CACFD1: variants seen among roughly 807,000 people sequenced by gnomAD.
The protein encoded by CACFD1 is calcium channel flower homolog.
In CACFD1, 26 loss-of-function variants were observed where a neutral mutation model predicts 21.3. The ratio of observed to expected loss-of-function variants is 1.22; its 90% CI spans 0.89 to 1.69. CACFD1 has a LOEUF of 1.69. Ranked by LOEUF, CACFD1 falls within the 40% of genes most tolerant of loss-of-function variation. The pLI is 0.00. For missense variants in CACFD1, 265 were observed against 236.2 expected (o/e 1.12, Z -0.80); for synonymous variants, 121 against 106.6 (o/e 1.13, Z -0.83).
At chr9:133,460,468 G>T (rs1264844224) in intron 1 of CACFD1, among the ~76,000 whole-genome samples, 1 of 121,496 alleles carries the variant, frequency 8.2e-6, no homozygotes, top group African/African-American at 2.9e-5. Flanking sequence ...CAGGGCGGGG[G>T]GGCGGCGGGG....
chr9:133,461,407 G>A (rs1843213690), intron 1 of CACFD1, among the ~76,000 whole-genome samples: 1 of 152,230 alleles, frequency 6.6e-6, no homozygotes, highest in Non-Finnish European at 1.5e-5. Context: ...TGCTCTTCAG[G>A]GCAAGTACGC....
At chr9:133,466,015 G>T (rs1843422581) in intron 3 of CACFD1, among the ~76,000 whole-genome samples, 1 of 152,198 alleles carries the variant, frequency 6.6e-6, no homozygotes, top group Admixed American at 6.5e-5. Context: ...CTAGAATAAT[G>T]CCTCTAGTGC....
At chr9:133,461,856 G>T in intron 1 of CACFD1, 1 of 985,342 alleles carries the variant, frequency 1.0e-6, no homozygotes, top group Non-Finnish European at 1.2e-6. Flanking sequence ...GATGCGGCAG[G>T]AGTTCAGACA....
At chr9:133,463,211 C>G (rs984548727) in intron 1 of CACFD1, among the ~76,000 whole-genome samples, 2 of 152,238 alleles carry the variant, frequency 1.3e-5, no homozygotes, top group Non-Finnish European at 2.9e-5. Context: ...GGGCCAGCTC[C>G]TCTGAGCCCT....
chr9:133,468,584 C>T lies in CACFD1; in HGVS notation c.450C>T (p.Ala150=), dbSNP rs80191289. 2,340 of 1,588,254 alleles carry T rather than the reference C, an allele frequency of 1.5e-3. 29 individuals carry two copies. The African/African-American group carries it at 0.027, about 18-fold the overall frequency. ...LGKKGDAISY[A]RIQQQRQQAD... is the part of the protein sequence containing the mutation. ...CCAGGGGCGATGCGATCTCCTATGC[C>T]AGGATCCAGCAGCAGAGGCAGCAGG... Residue 150 remains alanine, a synonymous_variant, in exon 5 of 5, where the codon GCC becomes GCT. Transcript: ENST00000316948.
At position 133,461,806 on chromosome 9, in the gene CACFD1, G is replaced by A; in HGVS notation, c.121+1619G>A. On this transcript the variant is annotated intron_variant, in intron 1 of 4. Coordinates refer to ENST00000316948, the MANE Select transcript of CACFD1 (RefSeq NM_017586.5). Reference sequence around the variant, plus strand: ...ATGGTTATGTGAACATCAAAATGCTGTATTACAGGGTAGAATGCAAAAATG... The same window carrying A: ...ATGGTTATGTGAACATCAAAATGCTATATTACAGGGTAGAATGCAAAAATG... The A allele has an allele frequency of 3.2e-6, 3 of 923,568 alleles. No homozygotes were observed. In the South Asian group the frequency reaches 1.5e-4, roughly 46 times the overall value. The allele number at this position is 923,568 out of a possible 1,614,324, so 57.2% of individuals were successfully genotyped here. A position where few individuals can be genotyped will look rare whatever the true frequency, so the allele number is the denominator to read the frequency against.
chr9:133,460,874 C>T (rs1554798381), intron 1 of CACFD1, among the ~76,000 whole-genome samples: 2 of 152,316 alleles, frequency 1.3e-5, no homozygotes, highest in Admixed American at 1.3e-4. Flanking sequence ...CCTTCCTCCC[C>T]TTCTCCGCAC....
chr9:133,468,948 T>G lies in CACFD1; in HGVS notation c.*295T>G, dbSNP rs1554800321. 1.4e-5 allele frequency: 6 copies of G among 420,692 alleles called. No individual in the cohort carries two copies. 26.1% of individuals were successfully genotyped at this position (420,692 alleles called of 1,614,324 possible). ...ATCTCACACCACAGACAGGGCTGCC[T>G]GTGACCTGCTGTGACCTGGGAGCAG... On this transcript the variant is annotated 3_prime_UTR_variant, in exon 5 of 5. Transcript: ENST00000316948.
In CACFD1 at chr9:133,465,456, T is replaced by C; in HGVS notation, c.320+9T>C. ...GCTGTCTTCTACTGCGGGTGAGGGGTTGCTGGGCAGGGTCCCGTGACACAG... is the reference window on the plus strand; with the variant it reads ...GCTGTCTTCTACTGCGGGTGAGGGGCTGCTGGGCAGGGTCCCGTGACACAG... On this transcript the variant is annotated intron_variant, in intron 3 of 4. Transcript: ENST00000316948. The surrounding 1 kb of genome is among the most constrained non-coding windows in gnomAD (Gnocchi z 5.0). 1 of 1,603,050 alleles carries C rather than the reference T, an allele frequency of 6.2e-7. No individual in the cohort carries two copies. The highest frequency in any genetic ancestry group is 8.5e-7 in the Non-Finnish European group (1 of 1,173,800).
Position 133,468,571 on chromosome 9 carries a change from C to A in CACFD1, c.437C>A (p.Ala146Glu), listed in dbSNP as rs587596004. 5.1e-6 allele frequency: 8 copies of A among 1,582,114 alleles called. No homozygotes were observed. Among genetic ancestry groups the A allele is most frequent in the Non-Finnish European group, 6.0e-6 (7 of 1,166,086 alleles). ...GLSALGKKGD[A>E]ISYARIQQQR... Reference sequence around the variant, plus strand: ...CCTCTCTCTCTCCCCAGGGGCGATGCGATCTCCTATGCCAGGATCCAGCAG... The same window carrying A: ...CCTCTCTCTCTCCCCAGGGGCGATGAGATCTCCTATGCCAGGATCCAGCAG... Residue 146 changes from alanine (A) to glutamate (E), a missense_variant, in exon 5 of 5, where the codon GCG (alanine) becomes GAG (glutamate). Coordinates refer to ENST00000316948, the MANE Select transcript of CACFD1 (RefSeq NM_017586.5).
At chr9:133,463,739 C>T (rs1047079786) in intron 2 of CACFD1, among the ~76,000 whole-genome samples, 184 bp downstream of exon 2, 4 of 152,234 alleles carry the variant, frequency 2.6e-5, no homozygotes, top group Non-Finnish European at 4.4e-5. Context: ...GGCTTCTTCC[C>T]CTTCATACCC....
chr9:133,463,609 T>G, intron 2 of CACFD1, 54 bp downstream of exon 2: 1 of 1,582,604 alleles, frequency 6.3e-7, no homozygotes, highest in South Asian at 1.1e-5. Flanking sequence ...GGGAATCTGC[T>G]GGGCACCTCC....
Position 133,470,431 on chromosome 9 carries a change from C to A in CACFD1, c.*1778C>A. 6.6e-6 allele frequency: 1 copy of A among 152,558 alleles called. No individual in the cohort carries two copies. The highest frequency in any genetic ancestry group is 1.5e-5 in the Non-Finnish European group (1 of 68,216). The allele number at this position is 152,558 out of a possible 1,614,324, so 9.5% of individuals were successfully genotyped here. A position where few individuals can be genotyped will look rare whatever the true frequency, so the allele number is the denominator to read the frequency against. ...CCAGAGACAGCAGGAGAAGGGTTGG[C>A]TGTGGATCAAGGAAGGCTGCCCCTG... On this transcript the variant is annotated 3_prime_UTR_variant, in exon 5 of 5. Transcript: ENST00000316948.
Position 133,462,158 on chromosome 9 carries a change from G to A in CACFD1, c.122-1325G>A, listed in dbSNP as rs782108462. ...AGGCTGGCTGTGGGTTGGACAGCTG[G>A]GGTAGGGTTGGAGCTGGAGGCCAAA... On this transcript the variant is annotated intron_variant, in intron 1 of 4. Transcript: ENST00000316948. 2.3e-6 allele frequency: 3 copies of A among 1,304,200 alleles called. No homozygotes were observed. The African/African-American group carries it at 4.5e-5, about 20-fold the overall frequency. 80.8% of individuals were successfully genotyped at this position (1,304,200 alleles called of 1,614,324 possible).
intron 4 of CACFD1, 172 bp from the exon 5 acceptor site, chr9:133,468,391 G>C: frequency 6.5e-7 from 1 of 1,535,942 alleles, no homozygotes; most frequent in Non-Finnish European, 8.7e-7. Flanking sequence ...GGGAGCCTGG[G>C]CCATTCTCAG....
At position 133,467,956 on chromosome 9, in the gene CACFD1, T is replaced by C. The variant is rs1554799871; in HGVS notation, c.356T>C (p.Leu119Pro). Residue 119 changes from leucine (L) to proline (P), a missense_variant, in exon 4 of 5, where the codon CTG (leucine) becomes CCG (proline). By Grantham distance (98) the Leu-to-Pro change is moderately conservative. Coordinates refer to ENST00000316948, the MANE Select transcript of CACFD1 (RefSeq NM_017586.5). The stretch of plus-strand genomic sequence containing the variant: ...GTTCCCATCGTCATCAGCCTGACCC[T>C]GACCACGCTGCTGGGCAACGCCATC... ...AVVPIVISLT[L>P]TTLLGNAIAF... The C allele has an allele frequency of 6.2e-7, 1 of 1,613,788 alleles. No individual in the cohort carries two copies. The highest frequency in any genetic ancestry group is 8.5e-7 in the Non-Finnish European group (1 of 1,180,016).
At chr9:133,460,213 C>CT in intron 1 of CACFD1, 26 bp downstream of exon 1, 1 of 1,505,500 alleles carries the variant, frequency 6.6e-7, no homozygotes, top group Non-Finnish European at 8.9e-7. Flanking sequence ...GGGAGAGGGG[C>CT]CGGCCCCGCC....
At chr9:133,468,217 G>C in intron 4 of CACFD1, 189 bp downstream of exon 4, 1 of 1,249,792 alleles carries the variant, frequency 8.0e-7, no homozygotes, top group Non-Finnish European at 1.1e-6. Flanking sequence ...ACACTTCTGC[G>C]TGGCCCAGTC....
chr9:133,464,617 C>G (rs1346929438), intron 2 of CACFD1, among the ~76,000 whole-genome samples: 2 of 152,160 alleles, frequency 1.3e-5, no homozygotes, highest in African/African-American at 4.8e-5. Context: ...GGGCCTGGCT[C>G]AGTGTCTGCT....
Sources: allele counts gnomAD v4.1 joint callset (sites outside exome capture counted in the v4.1 genomes callset), GRCh38; gene constraint gnomAD v4.1.1; non-coding constraint Gnocchi (gnomAD v3.1); transcripts MANE v1.5; gene names NCBI Gene and HGNC (gene_info 2026-07-23, HGNC 2026-07-21).